GNAI3: variants seen among roughly 807,000 people sequenced by gnomAD.
The protein encoded by GNAI3 is G protein subunit alpha i3.
GNAI3 carries 12 observed loss-of-function variants against 41.8 expected under a neutral mutation model. The ratio of observed to expected loss-of-function variants is 0.29; its 90% CI spans 0.18 to 0.47. The LOEUF is 0.47. GNAI3 is among the 20% of genes least tolerant of loss of function. GNAI3 has a pLI of 1.00. For missense variants in GNAI3, 360 were observed against 429.6 expected, an observed-to-expected ratio of 0.84 and a Z score of 1.43; for synonymous variants, 132 against 146.5, an observed-to-expected ratio of 0.90 and a Z score of 0.71.
intron 1 of GNAI3, among the ~76,000 whole-genome samples, chr1:109,566,228 A>G (rs1258644469): frequency 6.6e-6 from 1 of 152,208 alleles, no homozygotes; most frequent in East Asian, 1.9e-4. Flanking sequence ...CTTATAGCAT[A>G]TGTAGAGGCT....
chr1:109,581,332 G>A lies in GNAI3; in HGVS notation c.462-1105G>A, dbSNP rs999781994. 5.3e-5 allele frequency among the ~76,000 whole-genome samples: 8 copies of A among 150,578 alleles called. No homozygotes were observed. In the South Asian group the frequency reaches 8.4e-4, roughly 16 times the overall value. ...GCTCTTCTGTTTACTGAAAGAAAAC[G>A]GAAAATATTCTTACTCACTATAGTT... On this transcript the variant is annotated intron_variant, in intron 4 of 8. Transcript: ENST00000369851.
At position 109,558,370 on chromosome 1, in the gene GNAI3, C is replaced by A. The variant is rs185258099; in HGVS notation, c.118+9532C>A. 2.3e-3 allele frequency among the ~76,000 whole-genome samples: 351 copies of A among 152,226 alleles called. 3 individuals are homozygous for A. The highest frequency in any genetic ancestry group is 8.2e-3 in the African/African-American group (340 of 41,538). On this transcript the variant is annotated intron_variant, in intron 1 of 8. Coordinates refer to ENST00000369851, the MANE Select transcript of GNAI3 (RefSeq NM_006496.4). ...CCTGGGAGGCGGACGTTGCAGTCAG[C>A]TGAGGTGGAATGACTGCACTCTAGC...
intron 1 of GNAI3, among the ~76,000 whole-genome samples, chr1:109,560,936 T>A (rs1241004333): frequency 6.6e-6 from 1 of 152,224 alleles, no homozygotes; most frequent in Non-Finnish European, 1.5e-5. Flanking sequence ...AAGTGACATA[T>A]CTTTAACAGA....
chr1:109,566,966 G>A (rs1015327627), intron 1 of GNAI3, among the ~76,000 whole-genome samples: 5 of 152,196 alleles, frequency 3.3e-5, no homozygotes, highest in Non-Finnish European at 7.3e-5. Flanking sequence ...ATTGGAAATA[G>A]AATGGACTTA....
chr1:109,569,369 C>G (rs968863564), intron 1 of GNAI3, among the ~76,000 whole-genome samples: 3 of 152,138 alleles, frequency 2.0e-5, no homozygotes, highest in African/African-American at 7.2e-5. Context: ...TATTACTTCC[C>G]TGGTGTATTG....
At chr1:109,577,759 A>T (rs1357986026) in intron 3 of GNAI3, among the ~76,000 whole-genome samples, 1 of 152,166 alleles carries the variant, frequency 6.6e-6, no homozygotes, top group Non-Finnish European at 1.5e-5. Flanking sequence ...GTTTGGCAAA[A>T]ATAATTTGAG....
chr1:109,591,984 T>C (rs768961214), intron 7 of GNAI3, 59 bp from the exon 8 acceptor site: 15 of 1,034,828 alleles, frequency 1.4e-5, no homozygotes, highest in Admixed American at 2.0e-5. Flanking sequence ...ATGGTCTGAC[T>C]TAGTTGAGTT....
chr1:109,571,841 C>A (rs951943798), intron 1 of GNAI3, among the ~76,000 whole-genome samples: 1 of 151,924 alleles, frequency 6.6e-6, no homozygotes, highest in Non-Finnish European at 1.5e-5. Flanking sequence ...TCACTTGAAC[C>A]TGGGAGGCAG....
At chr1:109,583,504 C>T (rs559254132) in intron 5 of GNAI3, among the ~76,000 whole-genome samples, 71 of 152,276 alleles carry the variant, frequency 4.7e-4, no homozygotes, top group Admixed American at 9.8e-4. Flanking sequence ...TGTGAGCCAC[C>T]GTGCCCAGCC....
At chr1:109,566,123 C>G (rs991270137) in intron 1 of GNAI3, among the ~76,000 whole-genome samples, 1 of 152,088 alleles carries the variant, frequency 6.6e-6, no homozygotes, top group Non-Finnish European at 1.5e-5. Flanking sequence ...ATAATCTGTG[C>G]CAGCCACCAG....
intron 4 of GNAI3, among the ~76,000 whole-genome samples, chr1:109,580,233 C>T (rs1005594186): frequency 9.2e-5 from 14 of 152,074 alleles, no homozygotes; most frequent in African/African-American, 3.4e-4. Flanking sequence ...CTCCTGACCT[C>T]GTGATCCACC....
At chr1:109,577,678 A>T (rs369485533) in intron 3 of GNAI3, among the ~76,000 whole-genome samples, 17 of 152,304 alleles carry the variant, frequency 1.1e-4, no homozygotes, top group African/African-American at 4.1e-4. Flanking sequence ...ATATTACTAG[A>T]AAGAATACAG....
chr1:109,548,875 G>C (rs762822808), intron 1 of GNAI3, 37 bp downstream of exon 1: 2 of 1,367,526 alleles, frequency 1.5e-6, no homozygotes, highest in African/African-American at 2.8e-5. Context: ...TGGTGGTCGG[G>C]AGAGCCTAGG....
intron 1 of GNAI3, among the ~76,000 whole-genome samples, chr1:109,565,771 C>T (rs763466353): frequency 1.3e-5 from 2 of 151,940 alleles, no homozygotes; most frequent in African/African-American, 2.4e-5. Flanking sequence ...GGCACAAACC[C>T]GAATAATTAC....
At chr1:109,557,999 A>G (rs867791902) in intron 1 of GNAI3, among the ~76,000 whole-genome samples, 10 of 152,190 alleles carry the variant, frequency 6.6e-5, no homozygotes, top group South Asian at 2.1e-4. Flanking sequence ...AGTTGAACAT[A>G]ATGGAATGAC....
chr1:109,572,969 A>G (rs1648646457), intron 1 of GNAI3, among the ~76,000 whole-genome samples: 1 of 152,138 alleles, frequency 6.6e-6, no homozygotes, highest in South Asian at 2.1e-4. Flanking sequence ...TTGTGGGAAA[A>G]TGTAGTTTTT....
intron 1 of GNAI3, among the ~76,000 whole-genome samples, chr1:109,569,399 C>T (rs1244089387): frequency 6.6e-6 from 1 of 152,180 alleles, no homozygotes; most frequent in Non-Finnish European, 1.5e-5. Context: ...AACTGAATCT[C>T]TCCTTAAACT....
chr1:109,553,679 C>G (rs1475210335), intron 1 of GNAI3, among the ~76,000 whole-genome samples: 1 of 152,086 alleles, frequency 6.6e-6, no homozygotes, highest in African/African-American at 2.4e-5. Context: ...ATGTATCATT[C>G]TTTGTGTCTT....
chr1:109,563,579 C>T (rs954506523), intron 1 of GNAI3, among the ~76,000 whole-genome samples: 1 of 152,032 alleles, frequency 6.6e-6, no homozygotes, highest in African/African-American at 2.4e-5. Flanking sequence ...AAACTCAAGC[C>T]AACCCTTCCT....
Sources: allele counts gnomAD v4.1 joint callset (sites outside exome capture counted in the v4.1 genomes callset), GRCh38; gene constraint gnomAD v4.1.1; transcripts MANE v1.5; gene names NCBI Gene and HGNC (gene_info 2026-07-23, HGNC 2026-07-21).